SWT1: variants seen among roughly 807,000 people sequenced by gnomAD.
SWT1 encodes the protein transcriptional protein SWT1.
Under a neutral mutation model 107.3 loss-of-function variants are expected in SWT1, and 33 were observed. That is an observed-to-expected ratio of 0.31 (90% CI 0.23 to 0.41). The LOEUF (loss-of-function observed/expected upper bound fraction) is 0.41. Ranked by LOEUF, SWT1 falls within the 10% of genes least tolerant of loss-of-function variation. The pLI is 1.00. For missense variants in SWT1, 898 were observed against 1,028.9 expected (o/e 0.87, Z 1.74); for synonymous variants, 345 against 348.3 (o/e 0.99, Z 0.11).
At chr1:185,180,283 C>A in intron 5 of SWT1, 108 bp from the exon 6 acceptor site, 2 of 842,498 alleles carry the variant, frequency 2.4e-6, no homozygotes, top group South Asian at 1.5e-5. Context: ...ATATACAGGG[C>A]AACCCCTAAA....
intron 16 of SWT1, among the ~76,000 whole-genome samples, chr1:185,268,450 T>C (rs1327030953): frequency 6.6e-6 from 1 of 152,206 alleles, no homozygotes; most frequent in Non-Finnish European, 1.5e-5. Flanking sequence ...ATTATCTCCC[T>C]GTGCCTGGTC....
intron 16 of SWT1, among the ~76,000 whole-genome samples, chr1:185,246,775 G>A (rs1211640868): frequency 7.3e-5 from 11 of 150,760 alleles, no homozygotes; most frequent in African/African-American, 1.7e-4. Context: ...GACTACAGGC[G>A]CACTCCACCA....
In SWT1 at chr1:185,168,332, T is replaced by TCAA; in HGVS notation, c.166-8_166-7insCAA. ...ACAATTTATGTGTCCTTTTTTTATT[T>TCAA]ATTTCAGAAATCAGATCATACAGAT... On this transcript the variant is annotated splice_polypyrimidine_tract_variant and splice_region_variant and intron_variant, in intron 3 of 18. Coordinates refer to ENST00000367500, the MANE Select transcript of SWT1 (RefSeq NM_017673.7). 7.9e-7 allele frequency: 1 copy of TCAA among 1,263,856 alleles called. No individual in the cohort carries two copies. The highest frequency in any genetic ancestry group is 1.1e-6 in the Non-Finnish European group (1 of 937,556). The allele number at this position is 1,263,856 out of a possible 1,614,324, so 78.3% of individuals were successfully genotyped here. A position where few individuals can be genotyped will look rare whatever the true frequency, so the allele number is the denominator to read the frequency against.
At chr1:185,179,244 G>A (rs1223632109) in intron 5 of SWT1, among the ~76,000 whole-genome samples, 1 of 152,132 alleles carries the variant, frequency 6.6e-6, no homozygotes, top group Non-Finnish European at 1.5e-5. Flanking sequence ...ACTCCACCCT[G>A]GGCAACAGAG....
At chr1:185,213,943 T>C (rs1659020490) in intron 13 of SWT1, among the ~76,000 whole-genome samples, 1 of 152,186 alleles carries the variant, frequency 6.6e-6, no homozygotes, top group Non-Finnish European at 1.5e-5. Flanking sequence ...CTTTTGCTTC[T>C]CACTGTTGCC....
intron 4 of SWT1, among the ~76,000 whole-genome samples, chr1:185,170,852 A>G (rs948644537): frequency 6.6e-6 from 1 of 152,166 alleles, no homozygotes; most frequent in African/African-American, 2.4e-5. Flanking sequence ...CAAATTTATA[A>G]TAAAAAAAGA....
Position 185,291,720 on chromosome 1 carries a change from A to G in SWT1, c.*917A>G, listed in dbSNP as rs1345352955. On this transcript the variant is annotated 3_prime_UTR_variant, in exon 19 of 19. Transcript: ENST00000367500. The stretch of plus-strand genomic sequence containing the variant: ...GCTTTTTACTTCCAAATTGTTTCTG[A>G]TATGTACATAAGGTATGATTATAAA... 6.6e-6 allele frequency: 1 copy of G among 152,622 alleles called. No homozygotes were observed. The highest frequency in any genetic ancestry group is 6.5e-5 in the Admixed American group (1 of 15,280). 9.5% of individuals were successfully genotyped at this position (152,622 alleles called of 1,614,324 possible). A position where few individuals can be genotyped will look rare whatever the true frequency, so the allele number is the denominator to read the frequency against.
chr1:185,266,541 T>G (rs1663406534), intron 16 of SWT1: 2 of 152,202 alleles, frequency 1.3e-5, no homozygotes, highest in South Asian at 4.1e-4. Flanking sequence ...GTTTTGTCTC[T>G]AAAAACTTGA....
intron 8 of SWT1, 122 bp from the exon 9 acceptor site, chr1:185,184,621 T>A: frequency 1.6e-6 from 1 of 622,262 alleles, no homozygotes; most frequent in Non-Finnish European, 2.7e-6. Flanking sequence ...GTCTCTCAAT[T>A]TATTGTGAAT....
Position 185,184,007 on chromosome 1 carries a change from A to G in SWT1, c.1139-236A>G, listed in dbSNP as rs190763400. Among the ~76,000 whole-genome samples, 30 of 152,236 alleles carry G rather than the reference A, an allele frequency of 2.0e-4. 1 individual carries two copies. In the East Asian group the frequency reaches 3.9e-3, roughly 20 times the overall value. On this transcript the variant is annotated intron_variant, in intron 7 of 18. Coordinates refer to ENST00000367500, the MANE Select transcript of SWT1 (RefSeq NM_017673.7). ...ACTCCCACTCCAAACAGGGGTTGCA[A>G]TTCCTATCCAGAGGACCTTAATTGA...
At chr1:185,251,100 G>A (rs1431306369) in intron 16 of SWT1, among the ~76,000 whole-genome samples, 1 of 152,130 alleles carries the variant, frequency 6.6e-6, no homozygotes, top group Admixed American at 6.6e-5. Context: ...TCCTAATGGT[G>A]GTGTGCATGG....
At chr1:185,196,324 T>C (rs1657387482) in intron 10 of SWT1, among the ~76,000 whole-genome samples, 1 of 152,080 alleles carries the variant, frequency 6.6e-6, no homozygotes, top group Non-Finnish European at 1.5e-5. Context: ...CTGAGGCCTC[T>C]GTTCTGTTCC....
chr1:185,206,648 G>A lies in SWT1; in HGVS notation c.1857G>A (p.Trp619Ter). 1 of 1,586,546 alleles carries A rather than the reference G, an allele frequency of 6.3e-7. No homozygotes were observed. The highest frequency in any genetic ancestry group is 1.2e-5 in the South Asian group (1 of 85,808). ...AGATCCTGTACCTGAAACCACCATGGACTCTACTACATTTACTACAGTGCT... is the reference window on the plus strand; with the variant it reads ...AGATCCTGTACCTGAAACCACCATGAACTCTACTACATTTACTACAGTGCT... ...WMEILYLKPPWTLLHLLQCFK... is the reference protein window; with the variant it reads ...WMEILYLKPP The change falls in exon 13 of 19, where the codon TGG becomes TGA. Residue 619 changes from tryptophan to a stop codon, truncating the protein, a stop_gained. Coordinates refer to ENST00000367500, the MANE Select transcript of SWT1 (RefSeq NM_017673.7). LOFTEE classifies it high-confidence loss of function.
At chr1:185,250,535 C>T (rs1661932705) in intron 16 of SWT1, among the ~76,000 whole-genome samples, 1 of 152,186 alleles carries the variant, frequency 6.6e-6, no homozygotes, top group African/African-American at 2.4e-5. Context: ...TCTCTCTATA[C>T]TCCACTTTCC....
chr1:185,271,385 A>T lies in SWT1; in HGVS notation c.2504A>T (p.Tyr835Phe), dbSNP rs777312119. Reference sequence around the variant, plus strand: ...ACCCTCTATAACTTCCTAATCAAGTATGAGGTATGGGAAATATTTTAAAAT... The same window carrying T: ...ACCCTCTATAACTTCCTAATCAAGTTTGAGGTATGGGAAATATTTTAAAAT... ...VETLYNFLIK[Y>F]EVNKNVKFTA... The change falls in exon 17 of 19, where the codon TAT (tyrosine) becomes TTT (phenylalanine). Residue 835 changes from tyrosine to phenylalanine, a missense_variant. Tyr to Phe is a conservative substitution (Grantham distance 22). This residue lies in a region of SWT1 where 382 missense variants were observed against 460.0 expected (regional missense o/e 0.83). Transcript: ENST00000367500. 2 of 1,447,000 alleles carry T rather than the reference A, an allele frequency of 1.4e-6. No homozygotes were observed. Among genetic ancestry groups the T allele is most frequent in the Non-Finnish European group, 1.9e-6 (2 of 1,030,786 alleles). The allele number at this position is 1,447,000 out of a possible 1,614,324, so 89.6% of individuals were successfully genotyped here.
intron 10 of SWT1, among the ~76,000 whole-genome samples, chr1:185,201,573 G>A (rs952537084): frequency 3.3e-5 from 5 of 152,124 alleles, no homozygotes; most frequent in Admixed American, 1.3e-4. Context: ...GCCCTCTGAG[G>A]GCTGCACCCT....
At chr1:185,165,441 T>C (rs1453238033) in intron 2 of SWT1, among the ~76,000 whole-genome samples, 1 of 152,206 alleles carries the variant, frequency 6.6e-6, no homozygotes, top group Non-Finnish European at 1.5e-5. Flanking sequence ...AAATGATGTA[T>C]ACTGGTGTTC....
At chr1:185,183,212 A>G (rs1656172553) in intron 7 of SWT1, among the ~76,000 whole-genome samples, 1 of 151,172 alleles carries the variant, frequency 6.6e-6, no homozygotes, top group African/African-American at 2.4e-5. Context: ...CCTATGTATT[A>G]TCTGATCCTC....
At chr1:185,176,423 A>G (rs1217308055) in intron 5 of SWT1, 1 of 246,686 alleles carries the variant, frequency 4.1e-6, no homozygotes, top group African/African-American at 2.3e-5. Context: ...GGGATATTTT[A>G]GGCAGAGGGA....
Sources: gnomAD v4.1 joint callset for allele counts (sites outside exome capture counted in the v4.1 genomes callset) on GRCh38, gnomAD v4.1.1 for gene constraint, gnomAD v4.1.1 regional missense constraint, MANE v1.5 for transcripts, NCBI Gene and HGNC (gene_info 2026-07-23, HGNC 2026-07-21) for gene names.